LIMCH1: variants seen among roughly 807,000 people sequenced by gnomAD.
LIMCH1 encodes the protein LIM and calponin homology domains-containing protein 1.
LIMCH1 carries 113 observed loss-of-function variants against 176.5 expected under a neutral mutation model. The ratio of observed to expected loss-of-function variants is 0.64; its 90% CI spans 0.55 to 0.75. LIMCH1 has a LOEUF of 0.75. Among genes scored for constraint, LIMCH1 ranks in the 30% least tolerant of loss-of-function variants. The probability of loss-of-function intolerance (pLI) is 0.00; values close to 1 mark genes in which losing one functional copy is unlikely to be tolerated. For missense variants in LIMCH1, 1,674 were observed against 1,814.9 expected, an observed-to-expected ratio of 0.92 and a Z score of 1.41; for synonymous variants, 619 against 645.9, an observed-to-expected ratio of 0.96 and a Z score of 0.63.
chr4:41,361,297 G>A (rs1368689508), intron 1 of LIMCH1, among the ~76,000 whole-genome samples: 3 of 152,244 alleles, frequency 2.0e-5, no homozygotes, highest in Non-Finnish European at 4.4e-5. Context: ...AAAGGCGCAG[G>A]AAGCGCGAGC....
intron 29 of LIMCH1, 53 bp from the exon 30 acceptor site, chr4:41,689,474 G>A: frequency 1.1e-6 from 1 of 926,456 alleles, no homozygotes; most frequent in Non-Finnish European, 1.8e-6. Flanking sequence ...CTGTGTGTTT[G>A]ACCAGGTATT....
intron 30 of LIMCH1, among the ~76,000 whole-genome samples, 154 bp from the exon 31 acceptor site, chr4:41,692,128 T>C (rs1327582636): frequency 6.6e-6 from 1 of 152,208 alleles, no homozygotes. Flanking sequence ...TTGCTGTAAG[T>C]TGACACTGGT....
intron 1 of LIMCH1, among the ~76,000 whole-genome samples, chr4:41,575,790 A>G (rs530741955): frequency 6.6e-6 from 1 of 152,288 alleles, no homozygotes; most frequent in East Asian, 1.9e-4. Flanking sequence ...TTGAGATCGC[A>G]CAATTCTAGC....
chr4:41,416,594 G>C (rs1005468735), intron 1 of LIMCH1, among the ~76,000 whole-genome samples: 1 of 150,676 alleles, frequency 6.6e-6, no homozygotes, highest in African/African-American at 2.5e-5. Flanking sequence ...GGAATTGGAG[G>C]TTGCAGTGAG....
At chr4:41,694,932 C>T (rs1364678714) in intron 31 of LIMCH1, among the ~76,000 whole-genome samples, 1 of 152,032 alleles carries the variant, frequency 6.6e-6, no homozygotes, top group Non-Finnish European at 1.5e-5. Flanking sequence ...AATTTCCACT[C>T]TGCTTGGTGG....
Position 41,616,892 on chromosome 4 carries a change from T to C in LIMCH1, c.206-2296T>C, listed in dbSNP as rs183160962. Among the ~76,000 whole-genome samples, 273 of 152,274 alleles carry C rather than the reference T, an allele frequency of 1.8e-3. 1 individual carries two copies. Among genetic ancestry groups the C allele is most frequent in the African/African-American group, 6.4e-3 (264 of 41,562 alleles). On this transcript the variant is annotated intron_variant, in intron 5 of 31. Coordinates refer to ENST00000503057, the MANE Select transcript of LIMCH1 (RefSeq NM_001330672.2). ...AGCTGAAATTTTAGACCCTGGTCTC[T>C]AAATCCATAAACCTATACTTCTTTC...
intron 1 of LIMCH1, among the ~76,000 whole-genome samples, chr4:41,408,662 G>T (rs1399611690): frequency 6.6e-6 from 1 of 152,206 alleles, no homozygotes; most frequent in South Asian, 2.1e-4. Context: ...AACTAAGTAA[G>T]GTTGTTTCTT....
chr4:41,443,162 G>GA (rs928531421), intron 1 of LIMCH1, among the ~76,000 whole-genome samples: 10 of 132,286 alleles, frequency 7.6e-5, no homozygotes, highest in African/African-American at 1.0e-4. Context: ...AAGGTAAAGA[G>GA]AAAAAAAAAT....
At chr4:41,580,162 C>T (rs955039637) in intron 1 of LIMCH1, among the ~76,000 whole-genome samples, 4 of 152,136 alleles carry the variant, frequency 2.6e-5, no homozygotes, top group African/African-American at 9.7e-5. Flanking sequence ...ATAGAACAAT[C>T]CTTAAGTGAA....
At chr4:41,388,541 G>T (rs1377181991) in intron 1 of LIMCH1, among the ~76,000 whole-genome samples, 1 of 152,224 alleles carries the variant, frequency 6.6e-6, no homozygotes, top group Non-Finnish European at 1.5e-5. Context: ...AGTCTAAAAC[G>T]CATTTGTAGT....
At chr4:41,681,435 T>C (rs1024018051) in intron 25 of LIMCH1, among the ~76,000 whole-genome samples, 1 of 152,188 alleles carries the variant, frequency 6.6e-6, no homozygotes, top group Non-Finnish European at 1.5e-5. Context: ...CCCTCTGCCA[T>C]ACTATACATT....
chr4:41,553,867 A>G (rs1208275623), intron 1 of LIMCH1, among the ~76,000 whole-genome samples: 1 of 152,158 alleles, frequency 6.6e-6, no homozygotes, highest in African/African-American at 2.4e-5. Context: ...TATGCACCAG[A>G]TCCTGCACTG....
rs1384978586 is a variant in LIMCH1 at position 41,663,035 on chromosome 4, C to G, written c.3291+51C>G. 3.2e-6 allele frequency: 5 copies of G among 1,539,128 alleles called. No individual in the cohort carries two copies. In the South Asian group the frequency reaches 4.7e-5, roughly 14 times the overall value. ...GTTAAACCCACAAGTTAACATGGCC[C>G]CATATTACAGCTAGCTGCTGCTGTG... On this transcript the variant is annotated intron_variant, in intron 20 of 31. Coordinates refer to ENST00000503057, the MANE Select transcript of LIMCH1 (RefSeq NM_001330672.2).
chr4:41,530,019 T>C (rs2077084672), intron 3 of LIMCH1, among the ~76,000 whole-genome samples: 1 of 152,150 alleles, frequency 6.6e-6, no homozygotes, highest in Admixed American at 6.5e-5. Context: ...CTTCCTGCCA[T>C]GGAAAAAAAT....
At position 41,360,851 on chromosome 4, in the gene LIMCH1, C is replaced by G; in HGVS notation, c.11C>G (p.Pro4Arg). 1.3e-6 allele frequency: 2 copies of G among 1,565,168 alleles called. No homozygotes were observed. Among genetic ancestry groups the G allele is most frequent in the Non-Finnish European group, 8.6e-7 (1 of 1,157,618 alleles). The change falls in exon 1 of 27, where the codon CCC becomes CGC. Residue 4 changes from proline to arginine, a missense_variant. Transcript: ENST00000313860. The surrounding 1 kb of genome is among the most constrained non-coding windows in gnomAD (Gnocchi z 4.5). ...CGCGGGGCTGCGCAAATGGCTTGTC[C>G]CGCTCTCGGTCTGGAAGCTCTTCAG...
chr4:41,658,567 G>A (rs184324990), intron 18 of LIMCH1, among the ~76,000 whole-genome samples: 1 of 152,208 alleles, frequency 6.6e-6, no homozygotes, highest in South Asian at 2.1e-4. Context: ...AGGTCTTTAG[G>A]TCTAAAGGGC....
In LIMCH1 at chr4:41,626,817, G is replaced by C. The variant is rs1236495055; in HGVS notation, c.835G>C (p.Val279Leu). ...CAACGATTCAGAGGCAGAAGGTGAAGTTGTGTGTCGACTGCCTGATCTTGA... is the reference window on the plus strand; with the variant it reads ...CAACGATTCAGAGGCAGAAGGTGAACTTGTGTGTCGACTGCCTGATCTTGA... ...HGNDSEAEGE[V>L]VCRLPDLEKD... is the part of the protein sequence containing the mutation. The change falls in exon 8 of 32, where the codon GTT becomes CTT. Residue 279 changes from valine to leucine, a missense_variant. Physicochemically the swap from Val to Leu is conservative, Grantham distance 32. Transcript: ENST00000503057. 3.3e-6 allele frequency: 5 copies of C among 1,536,272 alleles called. No homozygotes were observed. Among genetic ancestry groups the C allele is most frequent in the Non-Finnish European group, 4.4e-6 (5 of 1,146,922 alleles).
chr4:41,545,473 G>A (rs570379727), intron 1 of LIMCH1, among the ~76,000 whole-genome samples: 2 of 152,292 alleles, frequency 1.3e-5, no homozygotes, highest in Admixed American at 1.3e-4. Flanking sequence ...TGATCATCAG[G>A]AATGGAAAAC....
chr4:41,631,459 A>G lies in LIMCH1; in HGVS notation c.1583A>G (p.Asn528Ser). The change falls in exon 10 of 32, where the codon AAT (asparagine) becomes AGT (serine). Residue 528 changes from asparagine (N) to serine (S), a missense_variant. Asn to Ser is a conservative substitution (Grantham distance 46). Transcript: ENST00000503057. ...AGCTTAAAGGGCCACCAAATATTTA[A>G]TCGACAAAATGACTGCAGGTATTTT... ...TSSLKGHQIFNRQNDCRTMNC... is the reference protein window; with the variant it reads ...TSSLKGHQIFSRQNDCRTMNC... 6.6e-7 allele frequency: 1 copy of G among 1,516,132 alleles called. No homozygotes were observed. 93.9% of individuals were successfully genotyped at this position (1,516,132 alleles called of 1,614,324 possible).
Sources: allele counts gnomAD v4.1 joint callset (sites outside exome capture counted in the v4.1 genomes callset), GRCh38; gene constraint gnomAD v4.1.1; non-coding constraint Gnocchi (gnomAD v3.1); transcripts MANE v1.5; gene names NCBI Gene and HGNC (gene_info 2026-07-23, HGNC 2026-07-21).